Variants in CDK6 observed in about 807,000 individuals in gnomAD.
CDK6 encodes the protein cyclin-dependent kinase 6.
Under a neutral mutation model 37.1 loss-of-function variants are expected in CDK6, and 6 were observed. The observed-to-expected ratio is 0.16, with a 90% CI of 0.09 to 0.32. The LOEUF is 0.32. Among genes scored for constraint, CDK6 ranks in the 10% least tolerant of loss-of-function variants. The probability of loss-of-function intolerance (pLI) is 1.00; values close to 1 mark genes in which losing one functional copy is unlikely to be tolerated. For synonymous variants in CDK6, 160 were observed against 161.3 expected, an observed-to-expected ratio of 0.99 and a Z score of 0.06; for missense variants, 224 against 418.9, an observed-to-expected ratio of 0.53 and a Z score of 4.06.
At chr7:92,754,705 G>A (rs1439567389) in intron 3 of CDK6, among the ~76,000 whole-genome samples, 1 of 152,148 alleles carries the variant, frequency 6.6e-6, no homozygotes, top group East Asian at 1.9e-4. Context: ...CTGTATTTTA[G>A]AGTTTCTTTT....
At chr7:92,632,408 T>C (rs1311848481) in intron 5 of CDK6, among the ~76,000 whole-genome samples, 1 of 152,180 alleles carries the variant, frequency 6.6e-6, no homozygotes, top group African/African-American at 2.4e-5. Context: ...TTGGATTCAA[T>C]CATTGGTTAA....
chr7:92,791,699 C>T (rs1160684009), intron 2 of CDK6, among the ~76,000 whole-genome samples: 11 of 152,152 alleles, frequency 7.2e-5, no homozygotes, highest in Admixed American at 3.3e-4. Context: ...CAACATACCT[C>T]GAGGGGAAGT....
chr7:92,764,429 G>A (rs751070455), intron 3 of CDK6, among the ~76,000 whole-genome samples: 7 of 152,102 alleles, frequency 4.6e-5, no homozygotes, highest in Non-Finnish European at 1.0e-4. Context: ...GCACCACTGC[G>A]CCCAGCCCAC....
intron 3 of CDK6, among the ~76,000 whole-genome samples, chr7:92,737,593 T>A (rs1798817792): frequency 1.3e-5 from 2 of 152,208 alleles, no homozygotes; most frequent in South Asian, 4.1e-4. Flanking sequence ...CCATTTTACT[T>A]AATCAACATA....
intron 3 of CDK6, among the ~76,000 whole-genome samples, chr7:92,763,626 T>C (rs1436422332): frequency 6.6e-6 from 1 of 152,232 alleles, no homozygotes; most frequent in African/African-American, 2.4e-5. Context: ...TTTAAACAAA[T>C]TTCCTACATA....
At chr7:92,639,550 C>A (rs915278542) in intron 5 of CDK6, among the ~76,000 whole-genome samples, 1 of 152,214 alleles carries the variant, frequency 6.6e-6, no homozygotes, top group Admixed American at 6.5e-5. Context: ...GTCTTAGGCA[C>A]CACCATGCTG....
intron 3 of CDK6, among the ~76,000 whole-genome samples, chr7:92,728,144 T>C (rs979903447): frequency 6.6e-6 from 1 of 152,224 alleles, no homozygotes. Flanking sequence ...ACACTATGTT[T>C]TTCTTAATTA....
At chr7:92,672,202 C>CACAA (rs1439205822) in intron 4 of CDK6, among the ~76,000 whole-genome samples, 8 of 124,222 alleles carry the variant, frequency 6.4e-5, no homozygotes, top group Non-Finnish European at 1.3e-4. Flanking sequence ...CACACACACA[C>CACAA]ACACACACAC....
chr7:92,774,658 T>C (rs200719279), intron 3 of CDK6, 38 bp downstream of exon 3: 549 of 1,538,896 alleles, frequency 3.6e-4, no homozygotes, highest in Non-Finnish European at 4.6e-4. Flanking sequence ...ACTATAATAG[T>C]CGACTGCCTG....
intron 5 of CDK6, among the ~76,000 whole-genome samples, chr7:92,642,197 C>T (rs935231282): frequency 1.3e-5 from 2 of 152,176 alleles, no homozygotes; most frequent in Non-Finnish European, 2.9e-5. Flanking sequence ...GCTGACCCCA[C>T]GCCTTGACCC....
chr7:92,818,453 G>GACTAGA (rs1801083764), intron 2 of CDK6, among the ~76,000 whole-genome samples: 1 of 151,900 alleles, frequency 6.6e-6, no homozygotes, highest in Non-Finnish European at 1.5e-5. Flanking sequence ...TGACTTGAAT[G>GACTAGA]CATCACAAAT....
intron 2 of CDK6, among the ~76,000 whole-genome samples, chr7:92,800,531 T>C (rs1364004345): frequency 6.6e-6 from 1 of 152,284 alleles, no homozygotes; most frequent in Non-Finnish European, 1.5e-5. Flanking sequence ...TTGGCACAGG[T>C]ACACACACAC....
chr7:92,773,738 A>G (rs1284322122), intron 3 of CDK6, among the ~76,000 whole-genome samples: 3 of 152,258 alleles, frequency 2.0e-5, no homozygotes, highest in Non-Finnish European at 4.4e-5. Flanking sequence ...TAAATCATTC[A>G]GTATGTCAAA....
Position 92,711,553 on chromosome 7 carries a change from T to A in CDK6, c.537+14073A>T, listed in dbSNP as rs1230945812. ...TTTTTACCTACCTGGAATGGTCAAA[T>A]TTTTTTTTTTTTTTTTTTTTTTTTT... On this transcript the variant is annotated intron_variant, in intron 4 of 7. Coordinates refer to ENST00000424848, the MANE Select transcript of CDK6 (RefSeq NM_001145306.2). Among the ~76,000 whole-genome samples, 12 of 20,146 alleles carry A rather than the reference T, an allele frequency of 6.0e-4. No homozygotes were observed. In the East Asian group the frequency reaches 0.014, roughly 23 times the overall value. The allele number at this position is 20,146 out of a possible 152,430, so 13.2% of individuals were successfully genotyped here.
intron 4 of CDK6, among the ~76,000 whole-genome samples, chr7:92,717,837 C>T (rs934271115): frequency 2.0e-5 from 3 of 152,248 alleles, no homozygotes; most frequent in Non-Finnish European, 4.4e-5. Context: ...CATGCACCAA[C>T]AGCAGCTTTC....
chr7:92,606,609 AAACT>A lies in CDK6; in HGVS notation c.*8527_*8530del, dbSNP rs1386840364. 8.6e-6 allele frequency: 2 copies of A among 231,958 alleles called. No individual in the cohort carries two copies. The highest frequency in any genetic ancestry group is 1.7e-5 in the Non-Finnish European group (2 of 117,958). The allele number at this position is 231,958 out of a possible 1,614,324, so 14.4% of individuals were successfully genotyped here. A position where few individuals can be genotyped will look rare whatever the true frequency, so the allele number is the denominator to read the frequency against. ...TCTAGAACCATGATTTCAAACACAG[AAACT>A]AACAAGTCAAATTTCCAAATTAGAT... On this transcript the variant is annotated 3_prime_UTR_variant, in exon 8 of 8. Coordinates refer to ENST00000424848, the MANE Select transcript of CDK6 (RefSeq NM_001145306.2).
chr7:92,800,003 C>A (rs1800528288), intron 2 of CDK6, among the ~76,000 whole-genome samples: 1 of 152,200 alleles, frequency 6.6e-6, no homozygotes, highest in African/African-American at 2.4e-5. Flanking sequence ...TATCCTCTCA[C>A]TCAAGCATAA....
chr7:92,678,578 T>C (rs1364367003), intron 4 of CDK6, among the ~76,000 whole-genome samples: 3 of 152,192 alleles, frequency 2.0e-5, no homozygotes, highest in Admixed American at 6.5e-5. Context: ...TAAAATACAT[T>C]TCAGAGTAAA....
At chr7:92,624,830 C>T (rs966741516) in intron 5 of CDK6, among the ~76,000 whole-genome samples, 2 of 152,064 alleles carry the variant, frequency 1.3e-5, no homozygotes, top group East Asian at 3.9e-4. Flanking sequence ...TTGATTCTCA[C>T]AAAAATTCCA....
Sources: allele counts gnomAD v4.1 joint callset (sites outside exome capture counted in the v4.1 genomes callset), GRCh38; gene constraint gnomAD v4.1.1; transcripts MANE v1.5; gene names NCBI Gene and HGNC (gene_info 2026-07-23, HGNC 2026-07-21).